ECD: variants seen among roughly 807,000 people sequenced by gnomAD.
ECD encodes the protein ecdysoneless cell cycle regulator.
Under a neutral mutation model 77.2 loss-of-function variants are expected in ECD, and 59 were observed. The ratio of observed to expected loss-of-function variants is 0.76; its 90% CI spans 0.62 to 0.95. The LOEUF is 0.95. Ranked by LOEUF, ECD falls within the 40% of genes least tolerant of loss-of-function variation. ECD has a pLI of 0.00. For synonymous variants in ECD, 233 were observed against 267.4 expected (o/e 0.87, Z 1.26); for missense variants, 704 against 763.4 (o/e 0.92, Z 0.92).
intron 9 of ECD, 47 bp from the exon 10 acceptor site, chr10:73,139,784 A>G: frequency 7.7e-7 from 1 of 1,300,084 alleles, no homozygotes; most frequent in Non-Finnish European, 1.1e-6. Flanking sequence ...GAGAACATAG[A>G]ATAGTAATCA....
At chr10:73,153,725 CA>C (rs201711578) in intron 6 of ECD, among the ~76,000 whole-genome samples, 270 of 41,320 alleles carry the variant, frequency 6.5e-3, no homozygotes, top group Middle Eastern at 0.018. Flanking sequence ...GACTCTGTCT[CA>C]AAAAAAAAAA....
chr10:73,156,162 G>A (rs1341942055), intron 5 of ECD, 113 bp downstream of exon 5: 1 of 932,494 alleles, frequency 1.1e-6, no homozygotes, highest in East Asian at 2.6e-5. Context: ...GTCAAAGAAA[G>A]ACTGATCAAC....
intron 3 of ECD, among the ~76,000 whole-genome samples, chr10:73,157,773 C>G (rs887952446): frequency 2.0e-5 from 3 of 151,704 alleles, no homozygotes; most frequent in Non-Finnish European, 4.4e-5. Context: ...ACTTTTGTCC[C>G]TATCTGCTCA....
intron 12 of ECD, among the ~76,000 whole-genome samples, chr10:73,137,560 G>T (rs1258389245): frequency 6.6e-6 from 1 of 152,098 alleles, no homozygotes; most frequent in Non-Finnish European, 1.5e-5. Context: ...CGGATCATGA[G>T]GTCAGGAGAT....
chr10:73,144,784 C>T (rs762707637), intron 9 of ECD, among the ~76,000 whole-genome samples: 1 of 151,914 alleles, frequency 6.6e-6, no homozygotes, highest in Admixed American at 6.6e-5. Context: ...ATCTTCCTGG[C>T]AAATCCCAAA....
chr10:73,157,073 G>A (rs975186346), intron 3 of ECD, among the ~76,000 whole-genome samples: 5 of 151,150 alleles, frequency 3.3e-5, no homozygotes, highest in South Asian at 4.2e-4. Flanking sequence ...TTTTGGAGAC[G>A]GAGTCTCGCT....
At chr10:73,144,527 A>G (rs1843099489) in intron 9 of ECD, among the ~76,000 whole-genome samples, 1 of 152,184 alleles carries the variant, frequency 6.6e-6, no homozygotes, top group Non-Finnish European at 1.5e-5. Flanking sequence ...GATGGTTACC[A>G]GAGGCTGGGA....
chr10:73,163,677 T>C, intron 2 of ECD, 56 bp downstream of exon 2: 4 of 1,554,142 alleles, frequency 2.6e-6, no homozygotes, highest in Non-Finnish European at 3.5e-6. Context: ...TACACATCAC[T>C]GTTGTCAGGA....
chr10:73,139,562 G>A, intron 10 of ECD, 67 bp from the exon 11 acceptor site: 1 of 1,588,174 alleles, frequency 6.3e-7, no homozygotes, highest in East Asian at 2.2e-5. Flanking sequence ...AGAGGATCCT[G>A]TGAGACTGAG....
At chr10:73,153,497 G>A (rs1330125440) in intron 6 of ECD, among the ~76,000 whole-genome samples, 1 of 151,702 alleles carries the variant, frequency 6.6e-6, no homozygotes, top group African/African-American at 2.4e-5. Flanking sequence ...AGCACTTTGG[G>A]AGGCTGAGGT....
intron 2 of ECD, among the ~76,000 whole-genome samples, chr10:73,162,061 AT>A (rs1169881950): frequency 2.0e-5 from 3 of 152,174 alleles, no homozygotes; most frequent in Non-Finnish European, 4.4e-5. Context: ...TAAAGTAACT[AT>A]TTTTGTCTAT....
In ECD at chr10:73,146,280, C is replaced by T; in HGVS notation, c.1123G>A (p.Glu375Lys). The change falls in exon 9 of 14, where the codon GAA becomes AAA. Residue 375 changes from glutamate (E) to lysine (K), a missense_variant. Transcript: ENST00000372979. Reference protein sequence around the residue: ...NYFQLSVDWPESSLAMSPGEE... With the variant: ...NYFQLSVDWPKSSLAMSPGEE... ...GGAGTCTTAACAATAACTCACCTTTCTGGCCAGTCTACTGAGAGCTGGAAG... is the reference window on the plus strand; with the variant it reads ...GGAGTCTTAACAATAACTCACCTTTTTGGCCAGTCTACTGAGAGCTGGAAG... 1 of 1,596,748 alleles carries T rather than the reference C, an allele frequency of 6.3e-7. No homozygotes were observed. Among genetic ancestry groups the T allele is most frequent in the Non-Finnish European group, 8.6e-7 (1 of 1,168,142 alleles).
At position 73,146,376 on chromosome 10, in the gene ECD, AAG is replaced by A; in HGVS notation, c.1042-17_1042-16del. On this transcript the variant is annotated splice_polypyrimidine_tract_variant and intron_variant, in intron 8 of 13. Coordinates refer to ENST00000372979, the MANE Select transcript of ECD (RefSeq NM_007265.3). ...TCTATCAGTCCCTTAAAAAAAAAAA[AAG>A]GTCTATCAGAACATTACTCACAAGT... 1 of 1,554,900 alleles carries A rather than the reference AAG, an allele frequency of 6.4e-7. No individual in the cohort carries two copies. Among genetic ancestry groups the A allele is most frequent in the Non-Finnish European group, 8.7e-7 (1 of 1,145,372 alleles).
chr10:73,152,363 C>T lies in ECD; in HGVS notation c.842G>A (p.Arg281Gln), dbSNP rs375640759. ...QLVQQRFVPDRRSGYRLPPPS... is the reference protein window; with the variant it reads ...QLVQQRFVPDQRSGYRLPPPS... ...AGGAGGCAGCCTGTATCCACTCCGC[C>T]GGTCTGGCACAAACCTTTGTTGCAC... The change falls in exon 7 of 14, where the codon CGG (arginine) becomes CAG (glutamine). Residue 281 changes from arginine (R) to glutamine (Q), a missense_variant. Physicochemically the swap from Arg to Gln is conservative, Grantham distance 43 (BLOSUM62 1). Coordinates refer to ENST00000372979, the MANE Select transcript of ECD (RefSeq NM_007265.3). 4.9e-5 allele frequency: 79 copies of T among 1,613,718 alleles called. No homozygotes were observed. The highest frequency in any genetic ancestry group is 6.7e-5 in the African/African-American group (5 of 74,886).
intron 2 of ECD, among the ~76,000 whole-genome samples, chr10:73,161,911 T>C (rs1475275978): frequency 2.0e-5 from 3 of 152,198 alleles, no homozygotes; most frequent in Non-Finnish European, 4.4e-5. Flanking sequence ...ATATCCCACA[T>C]TAACAGAATG....
chr10:73,165,401 G>C (rs908869725), intron 1 of ECD, among the ~76,000 whole-genome samples: 4 of 151,338 alleles, frequency 2.6e-5, no homozygotes, highest in South Asian at 2.1e-4. Flanking sequence ...GCCCAGGCTG[G>C]AGTGCAGTGG....
chr10:73,140,672 TAAATA>T (rs774924180), intron 9 of ECD, among the ~76,000 whole-genome samples: 14 of 151,184 alleles, frequency 9.3e-5, no homozygotes, highest in African/African-American at 3.2e-4. Flanking sequence ...TCTCAATAAA[TAAATA>T]AAATAAAATA....
intron 9 of ECD, among the ~76,000 whole-genome samples, chr10:73,141,639 G>A (rs1843059826): frequency 6.6e-6 from 1 of 152,064 alleles, no homozygotes; most frequent in Non-Finnish European, 1.5e-5. Context: ...CTTAGTGAAA[G>A]TTTATTACCT....
rs557562508 is a variant in ECD, at chr10:73,141,718, T to G, written c.1128-1981A>C. Among the ~76,000 whole-genome samples, 9 of 152,338 alleles carry G rather than the reference T, an allele frequency of 5.9e-5. No homozygotes were observed. The South Asian group carries it at 1.7e-3, about 28-fold the overall frequency. ...TTTATTTTGCCTTTTGTTATGATTA[T>G]TTGGTTTATTCTCTCTCCTAGTAAC... On this transcript the variant is annotated intron_variant, in intron 9 of 13. Transcript: ENST00000372979.
Sources: gnomAD v4.1 joint callset for allele counts (sites outside exome capture counted in the v4.1 genomes callset) on GRCh38, gnomAD v4.1.1 for gene constraint, MANE v1.5 for transcripts, NCBI Gene and HGNC (gene_info 2026-07-23, HGNC 2026-07-21) for gene names.